The following TNKS2 variants were observed in gnomAD, a reference collection of about 807,000 sequenced individuals.
The protein encoded by TNKS2 is poly [ADP-ribose] polymerase tankyrase-2.
A neutral mutation model predicts 137.6 loss-of-function variants in TNKS2; 72 were observed. The ratio of observed to expected loss-of-function variants is 0.52; its 90% CI spans 0.43 to 0.64. TNKS2 has a LOEUF of 0.64. Among genes scored for constraint, TNKS2 ranks in the 30% least tolerant of loss-of-function variants. TNKS2 has a pLI of 0.00. For missense variants in TNKS2, 1,049 were observed against 1,410.2 expected (o/e 0.74, Z 4.10); for synonymous variants, 516 against 512.1 (o/e 1.01, Z -0.10).
intron 12 of TNKS2, among the ~76,000 whole-genome samples, chr10:91,836,297 TCCC>T (rs766303921): frequency 3.9e-4 from 59 of 152,258 alleles, no homozygotes; most frequent in Middle Eastern, 6.8e-3. Flanking sequence ...ATGAAAATAT[TCCC>T]CCGTTTTCTT....
chr10:91,845,953 CT>C lies in TNKS2; in HGVS notation c.2358+18del. The C allele has an allele frequency of 1.3e-6, 2 of 1,503,586 alleles. No homozygotes were observed. 93.1% of individuals were successfully genotyped at this position (1,503,586 alleles called of 1,614,324 possible). Reference sequence around the variant, plus strand: ...AGATTTAGTTTCAGTAAGTGATGGGCTTTTTGAAAAATCTCAGTGCTTTTCT... The same window carrying C: ...AGATTTAGTTTCAGTAAGTGATGGGCTTTTGAAAAATCTCAGTGCTTTTCT... On this transcript the variant is annotated intron_variant, in intron 18 of 26. Transcript: ENST00000371627.
Position 91,817,226 on chromosome 10 carries a change from A to G in TNKS2, c.517A>G (p.Thr173Ala), listed in dbSNP as rs1219201807. 1 of 1,611,564 alleles carries G rather than the reference A, an allele frequency of 6.2e-7. No homozygotes were observed. The highest frequency in any genetic ancestry group is 1.3e-5 in the African/African-American group (1 of 74,896). Residue 173 changes from threonine to alanine, a missense_variant, in exon 3 of 27, where the codon ACT becomes GCT. By Grantham distance (58) the Thr-to-Ala change is moderately conservative. Around this residue, in one of 6 missense-constraint regions of TNKS2, gnomAD observed 374 missense variants for 460.8 expected, o/e 0.81. Transcript: ENST00000371627. ...AGATCCATCTGCCAAAGCAGTGCTTACTGGTAAGTCTGTATACTCTGGTTA... is the reference window on the plus strand; with the variant it reads ...AGATCCATCTGCCAAAGCAGTGCTTGCTGGTAAGTCTGTATACTCTGGTTA... ...LADPSAKAVL[T>A]GEYKKDELLE...
chr10:91,814,083 C>T (rs11186697), intron 2 of TNKS2, among the ~76,000 whole-genome samples: 49,546 of 151,790 alleles, frequency 0.33, 8,599 homozygotes, highest in South Asian at 0.53. Flanking sequence ...TTCTTTAGGA[C>T]GTGTTCCAGA....
At chr10:91,859,316 T>C (rs1451318228) in intron 24 of TNKS2, 146 bp from the exon 25 acceptor site, 6 of 554,584 alleles carry the variant, frequency 1.1e-5, no homozygotes, top group Non-Finnish European at 1.8e-5. Flanking sequence ...AATAGCTGGC[T>C]GACAGTTAAC....
At chr10:91,827,555 A>G (rs1258452642) in intron 8 of TNKS2, among the ~76,000 whole-genome samples, 4 of 152,170 alleles carry the variant, frequency 2.6e-5, no homozygotes, top group African/African-American at 4.8e-5. Context: ...TTAAAGCTTC[A>G]TAAGATTGCC....
rs568261397 is a variant in TNKS2, at chr10:91,807,616, T to C, written c.200-5367T>C. Among the ~76,000 whole-genome samples, 8 of 152,318 alleles carry C rather than the reference T, an allele frequency of 5.3e-5. No homozygotes were observed. The South Asian group carries it at 1.4e-3, about 28-fold the overall frequency. ...CCTTAATTCAGCAAATGTCAACAAA[T>C]TGCTCTGTACCATGTACTCTAAAGG... On this transcript the variant is annotated intron_variant, in intron 1 of 26. Coordinates refer to ENST00000371627, the MANE Select transcript of TNKS2 (RefSeq NM_025235.4).
rs549474958 is a variant in TNKS2, at chr10:91,846,951, T to C, written c.2358+1011T>C. 3.3e-5 allele frequency among the ~76,000 whole-genome samples: 5 copies of C among 152,346 alleles called. No individual in the cohort carries two copies. The South Asian group carries it at 1.0e-3, about 32-fold the overall frequency. ...GACAGACTGGGCCTAGAATTCCAGC[T>C]GCACGATTTAAGTTGTACAATCTTA... is the stretch of plus-strand genomic sequence containing the variant. On this transcript the variant is annotated intron_variant, in intron 18 of 26. Coordinates refer to ENST00000371627, the MANE Select transcript of TNKS2 (RefSeq NM_025235.4).
intron 9 of TNKS2, among the ~76,000 whole-genome samples, chr10:91,830,278 C>T (rs1277459199): frequency 6.6e-6 from 1 of 152,148 alleles, no homozygotes; most frequent in East Asian, 1.9e-4. Flanking sequence ...AGTGCAGTGG[C>T]ATGATCTCAG....
chr10:91,838,036 A>ATTTTTTTT (rs71025367), intron 13 of TNKS2, among the ~76,000 whole-genome samples: 23 of 51,232 alleles, frequency 4.5e-4, no homozygotes, highest in East Asian at 2.4e-3. Flanking sequence ...CAATTAGCTG[A>ATTTTTTTT]TTTTTTTTTT....
intron 22 of TNKS2, among the ~76,000 whole-genome samples, chr10:91,855,351 G>A (rs1210675016): frequency 6.6e-6 from 1 of 151,510 alleles, no homozygotes; most frequent in Non-Finnish European, 1.5e-5. Context: ...TTTTGTTTTT[G>A]TTTTTGTTTT....
rs534448083 is a variant in TNKS2, at chr10:91,852,236, T to A, written c.2815+900T>A. On this transcript the variant is annotated intron_variant, in intron 21 of 26. Transcript: ENST00000371627. ...GAGCGAGACTCCATCTCAAAAAAAATAAATAAATAATATAAAAAAATAAAA... is the reference window on the plus strand; with the variant it reads ...GAGCGAGACTCCATCTCAAAAAAAAAAAATAAATAATATAAAAAAATAAAA... 3.3e-4 allele frequency among the ~76,000 whole-genome samples: 45 copies of A among 135,324 alleles called. No homozygotes were observed. In the East Asian group the frequency reaches 9.9e-3, roughly 30 times the overall value. The allele number at this position is 135,324 out of a possible 152,430, so 88.8% of individuals were successfully genotyped here.
In TNKS2 at chr10:91,841,185, CT is replaced by C; in HGVS notation, c.1674-96del. ...CTACAAAGTATAATCAGTATAATTC[CT>C]TATGTAGTTCAAGAATTATCTTTCA... On this transcript the variant is annotated intron_variant, in intron 14 of 26. Transcript: ENST00000371627. The C allele has an allele frequency of 2.7e-6, 3 of 1,102,916 alleles. No individual in the cohort carries two copies. The South Asian group carries it at 6.3e-5, about 23-fold the overall frequency. The allele number at this position is 1,102,916 out of a possible 1,614,324, so 68.3% of individuals were successfully genotyped here.
intron 13 of TNKS2, among the ~76,000 whole-genome samples, chr10:91,839,107 T>C (rs780343388): frequency 9.9e-5 from 15 of 152,150 alleles, no homozygotes; most frequent in Non-Finnish European, 1.9e-4. Flanking sequence ...CCTCAGGTGA[T>C]CCACCCGCCT....
At chr10:91,830,898 T>G (rs1448162307) in intron 9 of TNKS2, 25 bp from the exon 10 acceptor site, 3 of 1,552,130 alleles carry the variant, frequency 1.9e-6, no homozygotes, top group East Asian at 2.3e-5. Context: ...AGTCCTTGAT[T>G]AATGCTGCAA....
chr10:91,834,021 C>A lies in TNKS2; in HGVS notation c.1444C>A (p.Gln482Lys). ...AAATGAAAATGTACAGCAACTCCTC[C>A]AAGGTATTACATGCTTCAATGAAAT... is the stretch of plus-strand genomic sequence containing the variant. ...MGNENVQQLL[Q>K]EGISLGNSEA... Residue 482 changes from glutamine to lysine, a missense_variant, in exon 12 of 27, where the codon CAA (glutamine) becomes AAA (lysine). By Grantham distance (53) the Gln-to-Lys change is moderately conservative. Coordinates refer to ENST00000371627, the MANE Select transcript of TNKS2 (RefSeq NM_025235.4). 6.3e-7 allele frequency: 1 copy of A among 1,591,362 alleles called. No individual in the cohort carries two copies. Among genetic ancestry groups the A allele is most frequent in the Non-Finnish European group, 8.5e-7 (1 of 1,171,674 alleles).
chr10:91,840,297 G>A (rs904719587), intron 13 of TNKS2, among the ~76,000 whole-genome samples: 5 of 152,018 alleles, frequency 3.3e-5, no homozygotes, highest in East Asian at 1.9e-4. Flanking sequence ...CTGAGATTGC[G>A]CCACTGCACC....
chr10:91,858,826 T>A (rs1267796446), intron 24 of TNKS2, among the ~76,000 whole-genome samples: 1 of 152,152 alleles, frequency 6.6e-6, no homozygotes, highest in Non-Finnish European at 1.5e-5. Flanking sequence ...CTGACCAATA[T>A]GTTGAAACCC....
chr10:91,828,447 G>A (rs1229539463), intron 9 of TNKS2, 41 bp downstream of exon 9: 16 of 1,494,596 alleles, frequency 1.1e-5, no homozygotes, highest in Non-Finnish European at 1.4e-5. Flanking sequence ...CAATAACGAA[G>A]AACGTGCTAA....
rs1842902448 is a variant in TNKS2, at chr10:91,863,359, AAC to A, written c.*364_*365del. The A allele has an allele frequency of 6.1e-6, 1 of 163,744 alleles. No individual in the cohort carries two copies. 10.1% of individuals were successfully genotyped at this position (163,744 alleles called of 1,614,324 possible). A position where few individuals can be genotyped will look rare whatever the true frequency, so the allele number is the denominator to read the frequency against. ...ACTAATACAATACTGTGTTCTTTAA[AAC>A]ACAGCATTTACACTGAATACAATTT... On this transcript the variant is annotated 3_prime_UTR_variant, in exon 27 of 27. Transcript: ENST00000371627.
Sources: gnomAD v4.1 joint callset for allele counts (sites outside exome capture counted in the v4.1 genomes callset) on GRCh38, gnomAD v4.1.1 for gene constraint, gnomAD v4.1.1 regional missense constraint, MANE v1.5 for transcripts, NCBI Gene and HGNC (gene_info 2026-07-23, HGNC 2026-07-21) for gene names.